Variants in PRDM1 observed in about 807,000 individuals in gnomAD.
PRDM1 encodes the protein PR/SET domain 1, also known as PR domain zinc finger protein 1.
PRDM1 carries 13 observed loss-of-function variants against 62.8 expected under a neutral mutation model. The ratio of observed to expected loss-of-function variants is 0.21; its 90% CI spans 0.13 to 0.33. PRDM1 has a LOEUF of 0.33. Among genes scored for constraint, PRDM1 ranks in the 10% least tolerant of loss-of-function variants. The pLI is 1.00. For synonymous variants in PRDM1, 396 were observed against 417.6 expected, an observed-to-expected ratio of 0.95 and a Z score of 0.63; for missense variants, 895 against 1,058.8, an observed-to-expected ratio of 0.85 and a Z score of 2.15.
At chr6:106,095,834 TG>T in intron 3 of PRDM1, 100 bp downstream of exon 3, 6 of 1,333,474 alleles carry the variant, frequency 4.5e-6, no homozygotes, top group Non-Finnish European at 5.2e-6. Flanking sequence ...TGAGAAATGC[TG>T]GGGCTCACCC....
chr6:106,058,538 C>G (rs1486486542), intron 1 of PRDM1, among the ~76,000 whole-genome samples: 1 of 152,160 alleles, frequency 6.6e-6, no homozygotes, highest in African/African-American at 2.4e-5. Context: ...CCATGTGCTT[C>G]CACTTTGGCA....
chr6:106,072,682 C>T (rs1222465057), intron 1 of PRDM1, among the ~76,000 whole-genome samples: 14 of 152,206 alleles, frequency 9.2e-5, no homozygotes, highest in Non-Finnish European at 2.1e-4. Context: ...TGCGGTGCCC[C>T]TTGTGTTGGG....
upstream of PRDM1, among the ~76,000 whole-genome samples, chr6:106,044,293 G>T (rs1582436463): frequency 1.4e-5 from 2 of 142,326 alleles, no homozygotes; most frequent in African/African-American, 2.6e-5. Context: ...TCTCTTTCTT[G>T]AACTGTTTAG....
chr6:106,043,825 C>T (rs1773036716), upstream of PRDM1, among the ~76,000 whole-genome samples: 7 of 152,194 alleles, frequency 4.6e-5, no homozygotes, highest in South Asian at 1.5e-3. Context: ...TGAGCCACCA[C>T]ATCTGGCCCA....
chr6:106,078,779 G>A, intron 1 of PRDM1, among the ~76,000 whole-genome samples: 1 of 152,046 alleles, frequency 6.6e-6, no homozygotes, highest in Non-Finnish European at 1.5e-5. Flanking sequence ...AGGATCATCT[G>A]AACCTGGGAG....
chr6:106,023,959 T>C (rs1444193924), intron 1 of PRDM1, among the ~76,000 whole-genome samples: 4 of 152,084 alleles, frequency 2.6e-5, no homozygotes, highest in Non-Finnish European at 2.9e-5. Flanking sequence ...CTAGGCAACA[T>C]AGTGAGACCA....
chr6:106,020,472 A>G (rs1772686539), intron 1 of PRDM1, among the ~76,000 whole-genome samples: 1 of 152,014 alleles, frequency 6.6e-6, no homozygotes, highest in South Asian at 2.1e-4. Flanking sequence ...GCCTACATTT[A>G]TGTTATCTGA....
chr6:105,998,890 C>CATAT (rs202209129), intron 1 of PRDM1, among the ~76,000 whole-genome samples: 51 of 100,138 alleles, frequency 5.1e-4, no homozygotes, highest in Admixed American at 7.7e-4. Flanking sequence ...AAAGTTAATA[C>CATAT]ATATATATAT....
intron 1 of PRDM1, among the ~76,000 whole-genome samples, chr6:106,040,200 C>G (rs1340709256): frequency 6.6e-6 from 1 of 152,202 alleles, no homozygotes; most frequent in African/African-American, 2.4e-5. Flanking sequence ...GGCTGGGACC[C>G]ATTGTTCTTC....
rs1199569941 is a variant in PRDM1 at position 106,099,488 on chromosome 6, T to C, written c.600T>C (p.Tyr200=). The C allele has an allele frequency of 5.0e-6, 8 of 1,614,210 alleles. No individual in the cohort carries two copies. Among genetic ancestry groups the C allele is most frequent in the Non-Finnish European group, 5.1e-6 (6 of 1,180,022 alleles). ...IPANQELLVW[Y]CRDFAERLHY... is the part of the protein sequence containing the mutation. The stretch of plus-strand genomic sequence containing the variant: ...CCAACCAGGAACTTCTTGTGTGGTA[T>C]TGTCGGGACTTTGCAGAAAGGCTTC... Residue 200 remains tyrosine (Y), a synonymous_variant, in exon 4 of 7, where the codon TAT becomes TAC. Coordinates refer to ENST00000369096, the MANE Select transcript of PRDM1 (RefSeq NM_001198.4).
At chr6:106,076,159 C>T (rs921283520) in intron 1 of PRDM1, among the ~76,000 whole-genome samples, 4 of 152,056 alleles carry the variant, frequency 2.6e-5, no homozygotes, top group Admixed American at 2.6e-4. Flanking sequence ...CCATGTTGCC[C>T]AGGCTGGTCT....
At chr6:106,057,455 C>T (rs1773283348) in intron 1 of PRDM1, among the ~76,000 whole-genome samples, 1 of 152,280 alleles carries the variant, frequency 6.6e-6, no homozygotes, top group East Asian at 1.9e-4. Flanking sequence ...GGCAGTGGTC[C>T]TTACTTTTTC....
In PRDM1 at chr6:106,099,556, A is replaced by G. The variant is rs1774208562; in HGVS notation, c.664+4A>G. ...GAGCTGACAATGATGAATCTCAGTA[A>G]GTGGATTACAGAACAAAAAAATAAA... On this transcript the variant is annotated splice_donor_region_variant and intron_variant, in intron 4 of 6. Coordinates refer to ENST00000369096, the MANE Select transcript of PRDM1 (RefSeq NM_001198.4). 3 of 1,613,074 alleles carry G rather than the reference A, an allele frequency of 1.9e-6. No individual in the cohort carries two copies. Among genetic ancestry groups the G allele is most frequent in the African/African-American group, 2.7e-5 (2 of 74,840 alleles).
At position 106,105,046 on chromosome 6, in the gene PRDM1, C is replaced by T. The variant is rs1774413502; in HGVS notation, c.886C>T (p.Arg296Trp). 3 of 1,614,024 alleles carry T rather than the reference C, an allele frequency of 1.9e-6. No homozygotes were observed. The highest frequency in any genetic ancestry group is 2.2e-5 in the East Asian group (1 of 44,888). The change falls in exon 5 of 7, where the codon CGG becomes TGG. Residue 296 changes from arginine to tryptophan, a missense_variant. Around this residue, in one of 4 missense-constraint regions of PRDM1, gnomAD observed 444 missense variants for 422.7 expected, o/e 1.05. Transcript: ENST00000369096. ...RGSPEMPFYP[R>W]VVYPIRAPLP... ...GAGCCCCGAAATGCCCTTCTACCCT[C>T]GGGTCGTTTACCCCATCCGGGCCCC...
chr6:106,043,789 C>T (rs1773036179), upstream of PRDM1, among the ~76,000 whole-genome samples: 2 of 152,204 alleles, frequency 1.3e-5, no homozygotes, highest in African/African-American at 4.8e-5. Flanking sequence ...CCGCCTCAGA[C>T]TCCCAAAGTA....
chr6:106,021,258 T>C (rs1772693510), intron 1 of PRDM1, among the ~76,000 whole-genome samples: 1 of 152,188 alleles, frequency 6.6e-6, no homozygotes, highest in South Asian at 2.1e-4. Flanking sequence ...TAGTTTCCTA[T>C]GTTTGGGTGG....
At chr6:106,030,350 A>G (rs1334242483) in intron 1 of PRDM1, among the ~76,000 whole-genome samples, 1 of 151,864 alleles carries the variant, frequency 6.6e-6, no homozygotes, top group Admixed American at 6.6e-5. Flanking sequence ...TTTCTTTTGT[A>G]GTGATGGGGT....
chr6:106,059,413 G>A (rs1309706090), intron 1 of PRDM1, among the ~76,000 whole-genome samples: 1 of 152,106 alleles, frequency 6.6e-6, no homozygotes. Context: ...CAAAGAAATA[G>A]AAAAGGAAAC....
In PRDM1 at chr6:106,026,404, G is replaced by A. The variant is rs146676704; in HGVS notation, c.-67+32765G>A. ...TGAGGCAGGAGAATCGCTTGAACCC[G>A]GGAGGCAGAGGTTGCAGCGAGCCAA... On this transcript the variant is annotated intron_variant, in intron 1 of 6. Coordinates refer to the PRDM1 transcript ENST00000652320. Among the ~76,000 whole-genome samples, 824 of 152,094 alleles carry A rather than the reference G, an allele frequency of 5.4e-3. 9 individuals are homozygous for A. The highest frequency in any genetic ancestry group is 0.019 in the African/African-American group (771 of 41,506).
Sources: allele counts gnomAD v4.1 joint callset (sites outside exome capture counted in the v4.1 genomes callset), GRCh38; gene constraint gnomAD v4.1.1; regional missense constraint gnomAD v4.1.1; transcripts MANE v1.5; gene names NCBI Gene and HGNC (gene_info 2026-07-23, HGNC 2026-07-21).